The following COL5A2 variants were observed in gnomAD, a reference collection of about 807,000 sequenced individuals.
COL5A2 encodes the protein collagen alpha-2(V) chain.
COL5A2 carries 23 observed loss-of-function variants against 208.2 expected under a neutral mutation model. The observed-to-expected ratio is 0.11, with a 90% confidence interval of 0.08 to 0.16. The LOEUF (loss-of-function observed/expected upper bound fraction) is 0.16, where lower values mean the gene tolerates loss of function less well. Ranked by LOEUF, COL5A2 falls within the 10% of genes least tolerant of loss-of-function variation. The pLI, the probability that COL5A2 is intolerant of heterozygous loss-of-function variation, is 1.00. For synonymous variants in COL5A2, 625 were observed against 628.5 expected, an observed-to-expected ratio of 0.99 and a Z score of 0.08; for missense variants, 1,590 against 1,956.4, an observed-to-expected ratio of 0.81 and a Z score of 3.53.
the COL5A2 span, among the ~76,000 whole-genome samples, chr2:189,366,847 C>T: frequency 6.6e-6 from 1 of 152,150 alleles, no homozygotes; most frequent in Non-Finnish European, 1.5e-5. Context: ...GAGGTTTGTG[C>T]GTCTTCCCAA....
At chr2:189,042,616 C>T (rs1317693516) in intron 49 of COL5A2, 104 bp downstream of exon 49, 3 of 1,095,102 alleles carry the variant, frequency 2.7e-6, no homozygotes, top group Non-Finnish European at 4.1e-6. Flanking sequence ...AGAAGATGAG[C>T]CAACTCCAGC....
chr2:189,143,483 T>C (rs901737279), intron 1 of COL5A2, among the ~76,000 whole-genome samples: 5 of 152,188 alleles, frequency 3.3e-5, no homozygotes, highest in Admixed American at 2.6e-4. Context: ...ATTTTCTGCC[T>C]AACTTAATCC....
intron 1 of COL5A2, among the ~76,000 whole-genome samples, chr2:189,122,028 A>G (rs1687512336): frequency 6.6e-6 from 1 of 152,208 alleles, no homozygotes; most frequent in Non-Finnish European, 1.5e-5. Context: ...ATGCCTGACT[A>G]TATACCATGG....
chr2:189,105,782 T>C (rs1291714920), intron 2 of COL5A2, among the ~76,000 whole-genome samples: 2 of 151,554 alleles, frequency 1.3e-5, no homozygotes, highest in African/African-American at 2.4e-5. Context: ...CATTATGATT[T>C]AATTTTTCTC....
At position 189,098,035 on chromosome 2, in the gene COL5A2, T is replaced by TCCCCCC. The variant is rs770630921; in HGVS notation, c.402+686_402+691dup. On this transcript the variant is annotated intron_variant, in intron 5 of 53. Coordinates refer to ENST00000374866, the MANE Select transcript of COL5A2 (RefSeq NM_000393.5). ...TTGTGCTGATATCTTAAAATGTTTT[T>TCCCCCC]CCCCCCCTGGGAAATGGCTGTTGCC... Among the ~76,000 whole-genome samples, 498 of 150,772 alleles carry TCCCCCC rather than the reference T, an allele frequency of 3.3e-3. 3 individuals are homozygous for TCCCCCC. The highest frequency in any genetic ancestry group is 9.4e-3 in the African/African-American group (381 of 40,746).
intron 28 of COL5A2, 23 bp from the exon 29 acceptor site, chr2:189,062,941 G>T (rs1157579968): frequency 6.2e-7 from 1 of 1,613,982 alleles, no homozygotes; most frequent in South Asian, 1.1e-5. Context: ...ACAGATATTT[G>T]TGAGGTGAGT....
At chr2:189,205,285 G>A (rs760031378) in intron 1 of COL5A2, among the ~76,000 whole-genome samples, 2 of 152,186 alleles carry the variant, frequency 1.3e-5, no homozygotes, top group Non-Finnish European at 2.9e-5. Flanking sequence ...ACCAGACACT[G>A]TGCTAAGTGC....
the COL5A2 span, among the ~76,000 whole-genome samples, chr2:189,319,080 C>A: frequency 6.6e-6 from 1 of 152,066 alleles, no homozygotes; most frequent in African/African-American, 2.4e-5. Flanking sequence ...AAAAAAATAA[C>A]CTTGCCTGTT....
intron 52 of COL5A2, 83 bp from the exon 53 acceptor site, chr2:189,035,238 T>A: frequency 6.5e-7 from 1 of 1,540,714 alleles, no homozygotes. Flanking sequence ...ATATATAAAT[T>A]GATTTCAGAT....
rs1177207275 is a variant in COL5A2, at chr2:189,057,444, T to G, written c.2230-17A>C. 1 of 1,539,050 alleles carries G rather than the reference T, an allele frequency of 6.5e-7. No individual in the cohort carries two copies. The highest frequency in any genetic ancestry group is 9.0e-7 in the Non-Finnish European group (1 of 1,111,640). ...TGGACTGCCCTAAAATGAACCAACATTAAGTGACCATACCAATAATATTAA... is the reference window on the plus strand; with the variant it reads ...TGGACTGCCCTAAAATGAACCAACAGTAAGTGACCATACCAATAATATTAA... On this transcript the variant is annotated splice_polypyrimidine_tract_variant and intron_variant, in intron 33 of 53. Transcript: ENST00000374866.
chr2:189,165,912 A>G (rs1010252852), intron 1 of COL5A2, among the ~76,000 whole-genome samples: 1 of 152,244 alleles, frequency 6.6e-6, no homozygotes, highest in African/African-American at 2.4e-5. Flanking sequence ...ATGTGCTTTT[A>G]GCCGAAAGAA....
At chr2:189,325,016 A>G in the COL5A2 span, among the ~76,000 whole-genome samples, 1 of 152,194 alleles carries the variant, frequency 6.6e-6, no homozygotes, top group Non-Finnish European at 1.5e-5. Context: ...TGTCCTTTGT[A>G]GGGACATGGA....
chr2:189,319,341 C>A, the COL5A2 span, among the ~76,000 whole-genome samples: 3 of 152,200 alleles, frequency 2.0e-5, no homozygotes, highest in African/African-American at 7.2e-5. Flanking sequence ...TGCAGCGCAC[C>A]AAGCGTGAGC....
At chr2:189,405,275 A>G in the COL5A2 span, among the ~76,000 whole-genome samples, 5 of 151,758 alleles carry the variant, frequency 3.3e-5, no homozygotes, top group Admixed American at 6.6e-5. Flanking sequence ...TCTGTCACCC[A>G]GGCTGGAGTG....
chr2:189,434,882 CA>C, the COL5A2 span, among the ~76,000 whole-genome samples: 2 of 152,040 alleles, frequency 1.3e-5, no homozygotes, highest in Non-Finnish European at 2.9e-5. Flanking sequence ...AATCCTAAGC[CA>C]AAAGAACAAA....
the COL5A2 span, among the ~76,000 whole-genome samples, chr2:189,378,192 T>A: frequency 6.6e-6 from 1 of 152,200 alleles, no homozygotes; most frequent in Non-Finnish European, 1.5e-5. Flanking sequence ...TTAATGCATA[T>A]CTATTATATC....
chr2:189,328,529 T>C, the COL5A2 span, among the ~76,000 whole-genome samples: 2 of 152,174 alleles, frequency 1.3e-5, no homozygotes, highest in Non-Finnish European at 2.9e-5. Flanking sequence ...ACATACCAGT[T>C]AATTCTCCCC....
chr2:189,176,706 C>T (rs915797260), intron 1 of COL5A2, among the ~76,000 whole-genome samples: 7 of 150,602 alleles, frequency 4.6e-5, no homozygotes, highest in African/African-American at 1.2e-4. Context: ...TCTCACCACA[C>T]GCACACACAC....
chr2:189,406,260 A>G, the COL5A2 span, among the ~76,000 whole-genome samples: 1 of 152,176 alleles, frequency 6.6e-6, no homozygotes, highest in South Asian at 2.1e-4. Flanking sequence ...GAAAACTTGA[A>G]ATTGATGCTT....
Sources: gnomAD v4.1 joint callset for allele counts (sites outside exome capture counted in the v4.1 genomes callset) on GRCh38, gnomAD v4.1.1 for gene constraint, MANE v1.5 for transcripts, NCBI Gene and HGNC (gene_info 2026-07-23, HGNC 2026-07-21) for gene names.